Variants in GBP2 observed in about 807,000 individuals in gnomAD.
The protein encoded by GBP2 is guanylate-binding protein 2.
GBP2 carries 54 observed loss-of-function variants against 60.8 expected under a neutral mutation model. The observed-to-expected ratio is 0.89, with a 90% confidence interval of 0.71 to 1.11. GBP2 has a LOEUF of 1.11. Ranked by LOEUF, GBP2 falls within the 50% of genes most tolerant of loss-of-function variation. The pLI is 0.00. For synonymous variants in GBP2, 243 were observed against 256.5 expected (o/e 0.95, Z 0.50); for missense variants, 665 against 703.3 (o/e 0.95, Z 0.62).
intron 7 of GBP2, chr1:89,113,114 T>A (rs1169178774): frequency 5.3e-6 from 1 of 187,840 alleles, no homozygotes; most frequent in Non-Finnish European, 1.1e-5. Context: ...AGAGGAACAA[T>A]ACCTATCTCA....
At chr1:89,114,439 A>C (rs1030554732) in intron 6 of GBP2, 143 bp from the exon 7 acceptor site, 2 of 1,029,054 alleles carry the variant, frequency 1.9e-6, no homozygotes, top group East Asian at 5.2e-5. Context: ...GTTAACCTCT[A>C]ATCACAGAGG....
rs1242016311 is a variant in GBP2, at chr1:89,106,443, C to A, written c.*1732G>T. ...GTCCTATTAAGTCTTTCTTAAGTAT[C>A]ATTGTTAAAAACTAAGAATAACTTA... On this transcript the variant is annotated 3_prime_UTR_variant, in exon 11 of 11. Coordinates refer to ENST00000370466, the MANE Select transcript of GBP2 (RefSeq NM_004120.5). The A allele has an allele frequency of 6.6e-6, 1 of 152,054 alleles. No individual in the cohort carries two copies. The highest frequency in any genetic ancestry group is 2.4e-5 in the African/African-American group (1 of 41,388). 9.4% of individuals were successfully genotyped at this position (152,054 alleles called of 1,614,324 possible). A position where few individuals can be genotyped will look rare whatever the true frequency, so the allele number is the denominator to read the frequency against.
chr1:89,122,189 C>T (rs760754589), intron 1 of GBP2, among the ~76,000 whole-genome samples: 2 of 152,096 alleles, frequency 1.3e-5, no homozygotes, highest in Admixed American at 6.5e-5. Context: ...AATACACTTA[C>T]AGAAAAGATG....
rs1207519029 is a variant in GBP2 at position 89,107,935 on chromosome 1, TTTAG to T, written c.*236_*239del. On this transcript the variant is annotated 3_prime_UTR_variant, in exon 11 of 11. Transcript: ENST00000370466. ...CTTGTGTATGATTTCAAATATAGGATTTAGTTAAAGATCATATTAAAAGTTAGTA... is the reference window on the plus strand; with the variant it reads ...CTTGTGTATGATTTCAAATATAGGATTTAAAGATCATATTAAAAGTTAGTA... 2.1e-5 allele frequency: 7 copies of T among 338,528 alleles called. No homozygotes were observed. Among genetic ancestry groups the T allele is most frequent in the African/African-American group, 1.1e-4 (5 of 45,704 alleles). 21.0% of individuals were successfully genotyped at this position (338,528 alleles called of 1,614,324 possible).
Position 89,121,155 on chromosome 1 carries a change from T to C in GBP2, c.306A>G (p.Gly102=), listed in dbSNP as rs754917279. The change falls in exon 3 of 11, where the codon GGA becomes GGG. Residue 102 remains glycine, a synonymous_variant. Transcript: ENST00000370466. ...TLVLLDTEGL[G]DIEKGDNEND... is the part of the protein sequence containing the mutation. ...TTATTTTTTTTACCTTCTCTATATC[T>C]CCCAGGCCCTCAGTGTCGAGCAGAA... The C allele has an allele frequency of 3.1e-6, 5 of 1,612,030 alleles. No homozygotes were observed. In the East Asian group the frequency reaches 1.1e-4, roughly 36 times the overall value.
At position 89,117,086 on chromosome 1, in the gene GBP2, AG is replaced by A. The variant is rs1557440770; in HGVS notation, c.773del (p.Pro258LeufsTer4). 6 of 1,614,162 alleles carry A rather than the reference AG, an allele frequency of 3.7e-6. No individual in the cohort carries two copies. The highest frequency in any genetic ancestry group is 1.7e-5 in the Admixed American group (1 of 60,014). ...ATTCTGCAACTTGTTCTATGAAATC[AG>A]GGTTCAGCTCTTCCTCCTTTAGCTG... ...LEQLKEEELN[P>X]DFIEQVAEFC... On this transcript the variant is annotated frameshift_variant, in exon 6 of 11. Coordinates refer to ENST00000370466, the MANE Select transcript of GBP2 (RefSeq NM_004120.5). LOFTEE classifies it high-confidence loss of function.
At chr1:89,125,458 T>C (rs1021603640) in intron 1 of GBP2, among the ~76,000 whole-genome samples, 1 of 152,190 alleles carries the variant, frequency 6.6e-6, no homozygotes, top group Non-Finnish European at 1.5e-5. Flanking sequence ...CTCAGAAAAG[T>C]AGCTGCACAA....
chr1:89,110,341 C>A, intron 8 of GBP2, 75 bp from the exon 9 acceptor site: 1 of 1,053,846 alleles, frequency 9.5e-7, no homozygotes, highest in Non-Finnish European at 1.5e-6. Flanking sequence ...CACTGGGTAT[C>A]TACCCAGAGG....
Position 89,110,214 on chromosome 1 carries a change from G to A in GBP2, c.1415C>T (p.Ala472Val). Reference protein sequence around the residue: ...YLESKEDVADALLQTDQSLSE... With the variant: ...YLESKEDVADVLLQTDQSLSE... Reference sequence around the variant, plus strand: ...GAGTGACTGATCAGTCTGTAGAAGTGCATCAGCCACATCCTCCTTGGACTC... The same window carrying A: ...GAGTGACTGATCAGTCTGTAGAAGTACATCAGCCACATCCTCCTTGGACTC... Residue 472 changes from alanine (A) to valine (V), a missense_variant, in exon 9 of 11, where the codon GCA becomes GTA. By Grantham distance (64) the Ala-to-Val change is moderately conservative. Coordinates refer to ENST00000370466, the MANE Select transcript of GBP2 (RefSeq NM_004120.5). 1 of 1,613,800 alleles carries A rather than the reference G, an allele frequency of 6.2e-7. No individual in the cohort carries two copies. Among genetic ancestry groups the A allele is most frequent in the Non-Finnish European group, 8.5e-7 (1 of 1,179,864 alleles).
At chr1:89,118,567 A>C (rs1007339948) in intron 4 of GBP2, 2 of 152,210 alleles carry the variant, frequency 1.3e-5, no homozygotes, top group African/African-American at 4.8e-5. Context: ...TTTTTAAATC[A>C]TACTGGCTGG....
intron 7 of GBP2, 141 bp downstream of exon 7, chr1:89,113,875 T>C (rs1681213453): frequency 1.8e-6 from 2 of 1,119,692 alleles, no homozygotes; most frequent in African/African-American, 1.6e-5. Flanking sequence ...GGTCTAAGGC[T>C]ATGCACATTC....
At chr1:89,122,004 T>C (rs771935784) in intron 1 of GBP2, 21 bp from the exon 2 acceptor site, 1 of 1,545,426 alleles carries the variant, frequency 6.5e-7, no homozygotes, top group Non-Finnish European at 8.8e-7. Context: ...AGGAAAAAGA[T>C]GAAATGGAAA....
Position 89,120,201 on chromosome 1 carries a change from G to C in GBP2, c.406C>G (p.Gln136Glu). The C allele has an allele frequency of 6.2e-7, 1 of 1,613,938 alleles. No individual in the cohort carries two copies. The highest frequency in any genetic ancestry group is 8.5e-7 in the Non-Finnish European group (1 of 1,179,806). ...FVYNSMGTINQQAMDQLHYVT... is the reference protein window; with the variant it reads ...FVYNSMGTINEQAMDQLHYVT... ...TACTGAAGTTGGTCCATGGCCTGCTGGTTGATGGTTCCCATGCTATTGTAC... is the reference window on the plus strand; with the variant it reads ...TACTGAAGTTGGTCCATGGCCTGCTCGTTGATGGTTCCCATGCTATTGTAC... Residue 136 changes from glutamine to glutamate, a missense_variant, in exon 4 of 11, where the codon CAG becomes GAG. By Grantham distance (29) the Gln-to-Glu change is conservative. Coordinates refer to ENST00000370466, the MANE Select transcript of GBP2 (RefSeq NM_004120.5).
chr1:89,108,773 T>A (rs973774840), intron 10 of GBP2, among the ~76,000 whole-genome samples: 1 of 152,152 alleles, frequency 6.6e-6, no homozygotes, highest in African/African-American at 2.4e-5. Flanking sequence ...GATCAGGGCT[T>A]ACAGTGGCCC....
Position 89,108,219 on chromosome 1 carries a change from G to A in GBP2, c.1732C>T (p.Gln578Ter), listed in dbSNP as rs141284540. ...KRLQKDIWDI[Q>*]MRSKSLEPIC... Reference sequence around the variant, plus strand: ...GGCTCCAATGATTTGCTTCTCATCTGGATATCCCATATGTCTTTTTGAAGT... The same window carrying A: ...GGCTCCAATGATTTGCTTCTCATCTAGATATCCCATATGTCTTTTTGAAGT... The change falls in exon 11 of 11, where the codon CAG becomes TAG. Residue 578 changes from glutamine (Q) to a stop codon, truncating the protein, a stop_gained. Transcript: ENST00000370466. LOFTEE classifies it low-confidence loss of function (END_TRUNC). 3 of 1,612,912 alleles carry A rather than the reference G, an allele frequency of 1.9e-6. No individual in the cohort carries two copies. Among genetic ancestry groups the A allele is most frequent in the African/African-American group, 1.3e-5 (1 of 74,846 alleles).
rs751022676 is a variant in GBP2, at chr1:89,114,004, C to T, written c.1149+12G>A. The T allele has an allele frequency of 1.2e-6, 2 of 1,613,826 alleles. No individual in the cohort carries two copies. The highest frequency in any genetic ancestry group is 1.7e-6 in the Non-Finnish European group (2 of 1,179,730). ...TTTTTCTGCCTCTCATGACGTAGAACACCAAATATACCCCTAATTTCCTCT... is the reference window on the plus strand; with the variant it reads ...TTTTTCTGCCTCTCATGACGTAGAATACCAAATATACCCCTAATTTCCTCT... On this transcript the variant is annotated intron_variant, in intron 7 of 10. Coordinates refer to ENST00000370466, the MANE Select transcript of GBP2 (RefSeq NM_004120.5).
chr1:89,120,312 A>G, intron 3 of GBP2, 24 bp from the exon 4 acceptor site: 1 of 1,549,838 alleles, frequency 6.5e-7, no homozygotes, highest in Non-Finnish European at 8.9e-7. Flanking sequence ...TAGAAGCCAC[A>G]AAGAAGAATG....
chr1:89,120,923 C>G (rs1681382671), intron 3 of GBP2, among the ~76,000 whole-genome samples: 1 of 151,990 alleles, frequency 6.6e-6, no homozygotes, highest in South Asian at 2.1e-4. Flanking sequence ...CATCATTAGC[C>G]ATTATTTCAT....
At chr1:89,124,000 A>G (rs771871266) in intron 1 of GBP2, among the ~76,000 whole-genome samples, 4 of 152,108 alleles carry the variant, frequency 2.6e-5, no homozygotes, top group Non-Finnish European at 5.9e-5. Flanking sequence ...CACATTTTCC[A>G]ACAAAAAGAT....
Sources: gnomAD v4.1 joint callset for allele counts (sites outside exome capture counted in the v4.1 genomes callset) on GRCh38, gnomAD v4.1.1 for gene constraint, MANE v1.5 for transcripts, NCBI Gene and HGNC (gene_info 2026-07-23, HGNC 2026-07-21) for gene names.